Variants in LRRC4C observed in about 807,000 individuals in gnomAD.
The protein encoded by LRRC4C is leucine-rich repeat-containing protein 4C.
In LRRC4C, 5 loss-of-function variants were observed where a neutral mutation model predicts 33.6. That is an observed-to-expected ratio of 0.15 (90% CI 0.08 to 0.31). The LOEUF is 0.31. LRRC4C is among the 10% of genes least tolerant of loss of function. The pLI is 1.00. For synonymous variants in LRRC4C, 329 were observed against 302.0 expected, an observed-to-expected ratio of 1.09 and a Z score of -0.93; for missense variants, 560 against 796.7, an observed-to-expected ratio of 0.70 and a Z score of 3.58.
intron 2 of LRRC4C, among the ~76,000 whole-genome samples, chr11:40,773,117 C>A (rs1203523349): frequency 6.6e-6 from 1 of 152,098 alleles, no homozygotes; most frequent in Non-Finnish European, 1.5e-5. Flanking sequence ...ACAAAATTTG[C>A]ATGCTCTAAT....
chr11:40,835,922 A>C (rs1453378190), intron 2 of LRRC4C, among the ~76,000 whole-genome samples: 1 of 152,144 alleles, frequency 6.6e-6, no homozygotes, highest in Admixed American at 6.6e-5. Flanking sequence ...TTTTGGTCTG[A>C]TGCTGTCTTT....
At chr11:41,246,423 TG>T (rs891318457) in intron 1 of LRRC4C, among the ~76,000 whole-genome samples, 1 of 152,154 alleles carries the variant, frequency 6.6e-6, no homozygotes, top group African/African-American at 2.4e-5. Context: ...CTTCTGAGCT[TG>T]TAGGGGTAGG....
intron 1 of LRRC4C, among the ~76,000 whole-genome samples, chr11:41,164,390 C>T (rs980912898): frequency 3.3e-5 from 5 of 151,974 alleles, no homozygotes; most frequent in African/African-American, 1.2e-4. Context: ...TTCAGTACCT[C>T]CTGAGGAACC....
intron 3 of LRRC4C, among the ~76,000 whole-genome samples, chr11:40,354,409 C>G (rs1337891007): frequency 6.6e-6 from 1 of 152,156 alleles, no homozygotes; most frequent in Non-Finnish European, 1.5e-5. Context: ...GGCTTATGTC[C>G]TTCCTTTCAG....
intron 1 of LRRC4C, among the ~76,000 whole-genome samples, chr11:40,970,453 T>A (rs1323642853): frequency 6.6e-6 from 1 of 152,190 alleles, no homozygotes; most frequent in Non-Finnish European, 1.5e-5. Flanking sequence ...GAAGCCACTA[T>A]GCTTCCCATA....
chr11:40,979,359 A>C (rs1362731546), intron 1 of LRRC4C, among the ~76,000 whole-genome samples: 1 of 152,236 alleles, frequency 6.6e-6, no homozygotes. Context: ...TTGAATAGTC[A>C]ATAAATTAAT....
intron 3 of LRRC4C, among the ~76,000 whole-genome samples, chr11:40,547,222 T>C (rs1214501706): frequency 1.3e-5 from 2 of 152,134 alleles, no homozygotes; most frequent in Admixed American, 1.3e-4. Context: ...ATTTTGTCAC[T>C]GGCACCTTTA....
chr11:40,803,049 C>T (rs1489016916), intron 2 of LRRC4C, among the ~76,000 whole-genome samples: 1 of 152,080 alleles, frequency 6.6e-6, no homozygotes, highest in Non-Finnish European at 1.5e-5. Context: ...TCACTATCTG[C>T]AAAATTCTAA....
chr11:40,424,721 C>G lies in LRRC4C; in HGVS notation c.-269-105000G>C, dbSNP rs550456764. Among the ~76,000 whole-genome samples the G allele has an allele frequency of 1.1e-4, 16 of 152,174 alleles. No individual in the cohort carries two copies. The South Asian group carries it at 3.3e-3, about 32-fold the overall frequency. ...ATGATGTCAAGTGAATAAATGCAGC[C>G]AAATGTACATGGTTTGAATGCATTA... On this transcript the variant is annotated intron_variant, in intron 3 of 6. Transcript: ENST00000528697.
intron 1 of LRRC4C, among the ~76,000 whole-genome samples, chr11:41,356,382 C>G (rs993331939): frequency 2.6e-5 from 4 of 152,084 alleles, no homozygotes; most frequent in African/African-American, 9.7e-5. Flanking sequence ...GACATACACG[C>G]CTTCCTCCAG....
intron 1 of LRRC4C, among the ~76,000 whole-genome samples, chr11:41,057,985 C>T (rs1858757274): frequency 2.0e-5 from 3 of 152,156 alleles, no homozygotes; most frequent in Admixed American, 2.0e-4. Context: ...AGTAAGGCTC[C>T]CCTTCATCTT....
At chr11:41,049,407 T>C (rs1426086439) in intron 1 of LRRC4C, among the ~76,000 whole-genome samples, 1 of 152,220 alleles carries the variant, frequency 6.6e-6, no homozygotes, top group Non-Finnish European at 1.5e-5. Flanking sequence ...CTGGTATGTC[T>C]TTACAGCAGT....
intron 3 of LRRC4C, among the ~76,000 whole-genome samples, chr11:40,459,375 C>T (rs1459753129): frequency 6.6e-6 from 1 of 152,156 alleles, no homozygotes; most frequent in Middle Eastern, 3.2e-3. Context: ...CAGTGATCGT[C>T]AGCACTCAGG....
intron 1 of LRRC4C, among the ~76,000 whole-genome samples, chr11:41,444,419 C>T (rs989826420): frequency 2.6e-5 from 4 of 152,106 alleles, no homozygotes; most frequent in Admixed American, 6.6e-5. Flanking sequence ...GTTGTATGAA[C>T]ATACTAAATC....
At chr11:40,737,810 G>C (rs1358043510) in intron 2 of LRRC4C, among the ~76,000 whole-genome samples, 1 of 152,102 alleles carries the variant, frequency 6.6e-6, no homozygotes, top group Non-Finnish European at 1.5e-5. Flanking sequence ...GTAATTTATA[G>C]ATTTAATGCT....
At chr11:40,378,861 A>G (rs1367524153) in intron 3 of LRRC4C, among the ~76,000 whole-genome samples, 1 of 152,154 alleles carries the variant, frequency 6.6e-6, no homozygotes, top group Non-Finnish European at 1.5e-5. Context: ...TTTAAAGCTG[A>G]GATTCATACA....
intron 3 of LRRC4C, among the ~76,000 whole-genome samples, chr11:40,621,514 C>A (rs922092931): frequency 1.4e-5 from 2 of 147,750 alleles, no homozygotes; most frequent in African/African-American, 2.4e-5. Flanking sequence ...TTATAAAAAT[C>A]TGTTTAGAAT....
chr11:41,107,839 A>G (rs1941597976), intron 1 of LRRC4C, among the ~76,000 whole-genome samples: 1 of 152,090 alleles, frequency 6.6e-6, no homozygotes, highest in South Asian at 2.1e-4. Context: ...CAGAAGGCTG[A>G]GGCAGGAGAA....
intron 1 of LRRC4C, among the ~76,000 whole-genome samples, chr11:40,993,042 C>G (rs547014509): frequency 6.6e-6 from 1 of 152,120 alleles, no homozygotes; most frequent in Non-Finnish European, 1.5e-5. Context: ...ATTTAACACA[C>G]TTACTAGAGA....
Sources: gnomAD v4.1 joint callset for allele counts (sites outside exome capture counted in the v4.1 genomes callset) on GRCh38, gnomAD v4.1.1 for gene constraint, MANE v1.5 for transcripts, NCBI Gene and HGNC (gene_info 2026-07-23, HGNC 2026-07-21) for gene names.